Variants in CCDC86 observed in about 807,000 individuals in gnomAD.
The protein encoded by CCDC86 is coiled-coil domain-containing protein 86.
Under a neutral mutation model 36.7 loss-of-function variants are expected in CCDC86, and 28 were observed. The observed-to-expected ratio is 0.76, with a 90% confidence interval of 0.57 to 1.05. CCDC86 has a LOEUF of 1.05. Ranked by LOEUF, CCDC86 falls within the 50% of genes least tolerant of loss-of-function variation. The pLI is 0.00. For synonymous variants in CCDC86, 199 were observed against 203.4 expected, an observed-to-expected ratio of 0.98 and a Z score of 0.18; for missense variants, 453 against 470.2, an observed-to-expected ratio of 0.96 and a Z score of 0.34.
chr11:60,845,485 C>G (rs897770424), intron 1 of CCDC86, among the ~76,000 whole-genome samples: 12 of 152,218 alleles, frequency 7.9e-5, no homozygotes, highest in Non-Finnish European at 1.8e-4. Context: ...AGGGGCCCAG[C>G]AGGGCCACTG....
rs1427892712 is a variant in CCDC86, at chr11:60,842,354, G to A, written c.230G>A (p.Gly77Asp). ...PGSPRLQQGA[G>D]LESPQGQPEP... ...TCACCCCGTCTGCAGCAGGGTGCAGGCTTGGAGTCACCCCAAGGGCAGCCA... is the reference window on the plus strand; with the variant it reads ...TCACCCCGTCTGCAGCAGGGTGCAGACTTGGAGTCACCCCAAGGGCAGCCA... The change falls in exon 1 of 4, where the codon GGC becomes GAC. Residue 77 changes from glycine (G) to aspartate (D), a missense_variant. By Grantham distance (94) the Gly-to-Asp change is moderately conservative (BLOSUM62 -1). Transcript: ENST00000227520. 1.2e-6 allele frequency: 2 copies of A among 1,613,844 alleles called. No individual in the cohort carries two copies. The highest frequency in any genetic ancestry group is 1.1e-5 in the South Asian group (1 of 91,070).
chr11:60,843,018 A>G, intron 1 of CCDC86, 136 bp downstream of exon 1: 1 of 1,197,964 alleles, frequency 8.3e-7, no homozygotes, highest in Non-Finnish European at 1.1e-6. Flanking sequence ...CAAACAGGTA[A>G]TTACAATCAG....
intron 1 of CCDC86, among the ~76,000 whole-genome samples, chr11:60,844,883 A>G (rs556631393): frequency 4.6e-5 from 7 of 152,366 alleles, no homozygotes; most frequent in Middle Eastern, 3.4e-3. Context: ...GATCTTGGGT[A>G]AACATGTCTG....
At chr11:60,846,105 G>T (rs1855179579) in intron 1 of CCDC86, among the ~76,000 whole-genome samples, 1 of 152,138 alleles carries the variant, frequency 6.6e-6, no homozygotes, top group African/African-American at 2.4e-5. Context: ...AGAACGTTCT[G>T]TTTGACAGCC....
At chr11:60,849,050 C>T (rs1328369217) in intron 2 of CCDC86, among the ~76,000 whole-genome samples, 1 of 152,186 alleles carries the variant, frequency 6.6e-6, no homozygotes, top group Admixed American at 6.5e-5. Flanking sequence ...GAGGCCAAGG[C>T]TCACTTCTCC....
chr11:60,847,261 T>G (rs948540504), intron 1 of CCDC86, among the ~76,000 whole-genome samples: 3 of 152,110 alleles, frequency 2.0e-5, no homozygotes, highest in African/African-American at 7.2e-5. Flanking sequence ...TTTTTGTATT[T>G]TTAGTAGAAA....
chr11:60,843,129 C>A (rs1272997419), intron 1 of CCDC86, among the ~76,000 whole-genome samples: 2 of 152,254 alleles, frequency 1.3e-5, no homozygotes, highest in Non-Finnish European at 2.9e-5. Context: ...ATGGGCCTCT[C>A]CTGTAGCACC....
At chr11:60,845,514 T>C (rs1276507682) in intron 1 of CCDC86, among the ~76,000 whole-genome samples, 6 of 152,182 alleles carry the variant, frequency 3.9e-5, no homozygotes, top group Non-Finnish European at 7.3e-5. Context: ...TTTGGGATCT[T>C]TGAGGGAGCA....
Position 60,850,879 on chromosome 11 carries a change from C to G in CCDC86, c.*554C>G, listed in dbSNP as rs1348670291. 6.5e-6 allele frequency: 1 copy of G among 152,852 alleles called. No homozygotes were observed. Among genetic ancestry groups the G allele is most frequent in the East Asian group, 1.9e-4 (1 of 5,202 alleles). The allele number at this position is 152,852 out of a possible 1,614,324, so 9.5% of individuals were successfully genotyped here. A position where few individuals can be genotyped will look rare whatever the true frequency, so the allele number is the denominator to read the frequency against. ...AGGGAGCAGAGCTTTTCCCTAGCACCCACTTTCCCAAACCAGTCTCTGCAG... is the reference window on the plus strand; with the variant it reads ...AGGGAGCAGAGCTTTTCCCTAGCACGCACTTTCCCAAACCAGTCTCTGCAG... On this transcript the variant is annotated 3_prime_UTR_variant, in exon 4 of 4. Transcript: ENST00000227520.
intron 2 of CCDC86, 28 bp downstream of exon 2, chr11:60,848,081 G>T: frequency 1.2e-6 from 2 of 1,608,498 alleles, no homozygotes; most frequent in Non-Finnish European, 1.7e-6. Flanking sequence ...CTGAGGCTGG[G>T]GCTCAGAGGA....
chr11:60,849,902 G>C, intron 2 of CCDC86, 38 bp from the exon 3 acceptor site: 1 of 1,583,334 alleles, frequency 6.3e-7, no homozygotes, highest in African/African-American at 1.3e-5. Flanking sequence ...GGCTGCCTCT[G>C]CTCCCCGACT....
rs1855256328 is a variant in CCDC86, at chr11:60,850,904, G to C, written c.*579G>C. 6.5e-6 allele frequency: 1 copy of C among 152,708 alleles called. No homozygotes were observed. Among genetic ancestry groups the C allele is most frequent in the Non-Finnish European group, 1.5e-5 (1 of 68,450 alleles). The allele number at this position is 152,708 out of a possible 1,614,324, so 9.5% of individuals were successfully genotyped here. A position where few individuals can be genotyped will look rare whatever the true frequency, so the allele number is the denominator to read the frequency against. Reference sequence around the variant, plus strand: ...CCACTTTCCCAAACCAGTCTCTGCAGAAGCCCCAGAGAATCTAACTCATGC... The same window carrying C: ...CCACTTTCCCAAACCAGTCTCTGCACAAGCCCCAGAGAATCTAACTCATGC... On this transcript the variant is annotated 3_prime_UTR_variant, in exon 4 of 4. Coordinates refer to ENST00000227520, the MANE Select transcript of CCDC86 (RefSeq NM_024098.4).
Position 60,847,655 on chromosome 11 carries a change from G to A in CCDC86, c.759-269G>A, listed in dbSNP as rs376834966. On this transcript the variant is annotated intron_variant, in intron 1 of 3. Coordinates refer to ENST00000227520, the MANE Select transcript of CCDC86 (RefSeq NM_024098.4). The stretch of plus-strand genomic sequence containing the variant: ...TTAGGCAGCTATTTAACCTCTCCGC[G>A]CCTTGGCCTGCTCCTCTGTAAGTGG... The A allele has an allele frequency of 3.2e-4, 75 of 232,474 alleles. No homozygotes were observed. The East Asian group carries it at 3.5e-3, about 11-fold the overall frequency. The allele number at this position is 232,474 out of a possible 1,614,324, so 14.4% of individuals were successfully genotyped here.
chr11:60,850,367 C>T lies in CCDC86; in HGVS notation c.*42C>T. ...GGCCTTCCATGGCCAACAACCATGT[C>T]AGACACAGCACCTCAGGCCGCTGCT... is the stretch of plus-strand genomic sequence containing the variant. On this transcript the variant is annotated 3_prime_UTR_variant, in exon 4 of 4. Coordinates refer to ENST00000227520, the MANE Select transcript of CCDC86 (RefSeq NM_024098.4). The T allele has an allele frequency of 6.2e-7, 1 of 1,604,892 alleles. No homozygotes were observed.
Position 60,850,034 on chromosome 11 carries a change from C to G in CCDC86, c.963+20C>G, listed in dbSNP as rs371844084. ...CAAGTGGTGAGTGTCTCGTTTTCCC[C>G]CTCTGCCCTTCTGCCCCACTTGGGG... On this transcript the variant is annotated intron_variant, in intron 3 of 3. Transcript: ENST00000227520. 2.0e-5 allele frequency: 32 copies of G among 1,613,286 alleles called. No individual in the cohort carries two copies. The highest frequency in any genetic ancestry group is 1.6e-4 in the Middle Eastern group (1 of 6,080).
rs1035273205 is a variant in CCDC86, at chr11:60,846,416, G to A, written c.759-1508G>A. On this transcript the variant is annotated intron_variant, in intron 1 of 3. Coordinates refer to ENST00000227520, the MANE Select transcript of CCDC86 (RefSeq NM_024098.4). ...CTAATTTCAGCATGTGGAGGCCACC[G>A]AGAGACTTCTTTGCATTTTGTTTTT... Among the ~76,000 whole-genome samples the A allele has an allele frequency of 2.6e-5, 4 of 152,144 alleles. No homozygotes were observed. The South Asian group carries it at 6.2e-4, about 24-fold the overall frequency.
Position 60,850,310 on chromosome 11 carries a change from G to C in CCDC86, c.1068G>C (p.Pro356=). 1.9e-6 allele frequency: 3 copies of C among 1,614,100 alleles called. No homozygotes were observed. Among genetic ancestry groups the C allele is most frequent in the Non-Finnish European group, 1.7e-6 (2 of 1,179,978 alleles). The change falls in exon 4 of 4, where the codon CCG becomes CCC. Residue 356 remains proline (P), a synonymous_variant. Transcript: ENST00000227520. ...ALLQKQPPQQ[P]AAKI ...TGCAGAAGCAGCCGCCCCAGCAGCC[G>C]GCAGCCAAGATCTGAGCTCAGGACG...
rs976023845 is a variant in CCDC86 at position 60,842,436 on chromosome 11, A to G, written c.312A>G (p.Gln104=). ...AAGACCTACACCTGGAGTCGCCTCA[A>G]AGACAGCCAGAGTACAGTCCTGAAT... ...RQQDLHLESP[Q]RQPEYSPESP... The change falls in exon 1 of 4, where the codon CAA becomes CAG. Residue 104 remains glutamine, a synonymous_variant. Transcript: ENST00000227520. 1.2e-6 allele frequency: 2 copies of G among 1,613,958 alleles called. No homozygotes were observed. The highest frequency in any genetic ancestry group is 1.3e-5 in the African/African-American group (1 of 74,990).
At chr11:60,843,714 T>C (rs1259438962) in intron 1 of CCDC86, among the ~76,000 whole-genome samples, 1 of 151,428 alleles carries the variant, frequency 6.6e-6, no homozygotes, top group Non-Finnish European at 1.5e-5. Flanking sequence ...AGGAGAGGTG[T>C]GGGATTCAGT....
Sources: gnomAD v4.1 joint callset for allele counts (sites outside exome capture counted in the v4.1 genomes callset) on GRCh38, gnomAD v4.1.1 for gene constraint, MANE v1.5 for transcripts, NCBI Gene and HGNC (gene_info 2026-07-23, HGNC 2026-07-21) for gene names.